The following IGF2BP3 variants were observed in gnomAD, a reference collection of about 807,000 sequenced individuals.
The protein encoded by IGF2BP3 is insulin like growth factor 2 mRNA binding protein 3, also known as insulin-like growth factor 2 mRNA-binding protein 3.
Under a neutral mutation model 73.8 loss-of-function variants are expected in IGF2BP3, and 9 were observed. The ratio of observed to expected loss-of-function variants is 0.12; its 90% CI spans 0.07 to 0.21. The LOEUF (loss-of-function observed/expected upper bound fraction) is 0.21. IGF2BP3 is among the 10% of genes least tolerant of loss of function. IGF2BP3 has a pLI of 1.00. For missense variants in IGF2BP3, 542 were observed against 714.0 expected (o/e 0.76, Z 2.75); for synonymous variants, 258 against 256.7 (o/e 1.01, Z -0.05).
At chr7:23,463,184 C>T (rs1252858654) in intron 2 of IGF2BP3, among the ~76,000 whole-genome samples, 1 of 152,214 alleles carries the variant, frequency 6.6e-6, no homozygotes, top group Non-Finnish European at 1.5e-5. Flanking sequence ...ATAACTCACA[C>T]CTTCCAAAAA....
rs118069477 is a variant in IGF2BP3 at position 23,432,676 on chromosome 7, G to C, written c.237-13852C>G. Reference sequence around the variant, plus strand: ...TTTGGTGGAGAGAGGGTCTTGCTCTGTTGCTCAGACTGGAGTGCAAACGGC... The same window carrying C: ...TTTGGTGGAGAGAGGGTCTTGCTCTCTTGCTCAGACTGGAGTGCAAACGGC... On this transcript the variant is annotated intron_variant, in intron 2 of 14. Transcript: ENST00000258729. Among the ~76,000 whole-genome samples the C allele has an allele frequency of 8.4e-3, 1,230 of 146,428 alleles. 18 individuals carry two copies. Among genetic ancestry groups the C allele is most frequent in the South Asian group, 0.023 (109 of 4,660 alleles).
intron 10 of IGF2BP3, among the ~76,000 whole-genome samples, chr7:23,328,802 G>A (rs1784369169): frequency 2.0e-5 from 3 of 152,164 alleles, no homozygotes; most frequent in Non-Finnish European, 4.4e-5. Context: ...TCAGTACTTC[G>A]TTCTTTCAAG....
intron 2 of IGF2BP3, among the ~76,000 whole-genome samples, chr7:23,429,286 C>T (rs1427803181): frequency 2.0e-5 from 3 of 152,150 alleles, no homozygotes; most frequent in African/African-American, 7.2e-5. Flanking sequence ...AAAAATCTGA[C>T]AAAAGATAGA....
chr7:23,390,852 G>A (rs1292120986), intron 3 of IGF2BP3, among the ~76,000 whole-genome samples: 2 of 149,438 alleles, frequency 1.3e-5, no homozygotes, highest in African/African-American at 4.9e-5. Flanking sequence ...AGGCTGGAGT[G>A]CAGTGGCATG....
At chr7:23,377,379 C>T (rs1369051344) in intron 3 of IGF2BP3, among the ~76,000 whole-genome samples, 1 of 152,146 alleles carries the variant, frequency 6.6e-6, no homozygotes, top group East Asian at 1.9e-4. Context: ...AAACAATGCT[C>T]GACATCATTA....
At chr7:23,361,488 C>T (rs1343894119) in intron 5 of IGF2BP3, 46 bp downstream of exon 5, 1 of 1,498,822 alleles carries the variant, frequency 6.7e-7, no homozygotes, top group South Asian at 1.2e-5. Context: ...TGTTACTGTA[C>T]TTAACTTAGT....
At chr7:23,456,750 T>A (rs1788329026) in intron 2 of IGF2BP3, among the ~76,000 whole-genome samples, 1 of 152,158 alleles carries the variant, frequency 6.6e-6, no homozygotes, top group East Asian at 1.9e-4. Flanking sequence ...TATGTCAACA[T>A]AAGAAATTTA....
At chr7:23,459,659 C>T (rs1788398890) in intron 2 of IGF2BP3, among the ~76,000 whole-genome samples, 1 of 151,556 alleles carries the variant, frequency 6.6e-6, no homozygotes, top group African/African-American at 2.4e-5. Context: ...GGTGAAACCC[C>T]ATCTCTACTA....
chr7:23,428,859 A>G (rs1391348630), intron 2 of IGF2BP3, among the ~76,000 whole-genome samples: 2 of 152,094 alleles, frequency 1.3e-5, no homozygotes, highest in African/African-American at 4.8e-5. Flanking sequence ...AGAGTCATAC[A>G]TATTTTGCTT....
chr7:23,363,078 G>T (rs1050833048), intron 3 of IGF2BP3, among the ~76,000 whole-genome samples: 1 of 152,164 alleles, frequency 6.6e-6, no homozygotes, highest in Non-Finnish European at 1.5e-5. Context: ...TAAAAGGGCG[G>T]TTCCTTGAAA....
intron 3 of IGF2BP3, among the ~76,000 whole-genome samples, chr7:23,393,583 C>T (rs1465244034): frequency 6.6e-6 from 1 of 152,154 alleles, no homozygotes; most frequent in Non-Finnish European, 1.5e-5. Flanking sequence ...CTGGGAGGGA[C>T]AGATGAGTGG....
At chr7:23,383,088 C>T (rs890094306) in intron 3 of IGF2BP3, among the ~76,000 whole-genome samples, 2 of 151,658 alleles carry the variant, frequency 1.3e-5, no homozygotes, top group Non-Finnish European at 2.9e-5. Context: ...ACAAACACAC[C>T]TAAGCAAAGC....
chr7:23,325,526 C>G (rs1583886149), intron 10 of IGF2BP3, among the ~76,000 whole-genome samples: 1 of 152,158 alleles, frequency 6.6e-6, no homozygotes, highest in Admixed American at 6.5e-5. Flanking sequence ...CAATGCCATC[C>G]TCATCAAGCT....
chr7:23,354,701 G>A (rs943576991), intron 5 of IGF2BP3, among the ~76,000 whole-genome samples: 1 of 152,166 alleles, frequency 6.6e-6, no homozygotes, highest in Admixed American at 6.5e-5. Flanking sequence ...TCTTTGTGGG[G>A]AAAAGAAAAG....
At chr7:23,395,073 G>T (rs1213143584) in intron 3 of IGF2BP3, among the ~76,000 whole-genome samples, 2 of 152,180 alleles carry the variant, frequency 1.3e-5, no homozygotes, top group Admixed American at 6.5e-5. Flanking sequence ...GCATCTGGAG[G>T]CACAGCCTGC....
chr7:23,330,052 C>T (rs780338958), intron 10 of IGF2BP3, among the ~76,000 whole-genome samples: 2 of 151,870 alleles, frequency 1.3e-5, no homozygotes, highest in African/African-American at 4.8e-5. Flanking sequence ...TTGGGAAGGC[C>T]GAGGTGGGCA....
chr7:23,439,010 C>G (rs183262617), intron 2 of IGF2BP3, among the ~76,000 whole-genome samples: 10 of 152,160 alleles, frequency 6.6e-5, no homozygotes, highest in Admixed American at 6.5e-4. Context: ...TTTTGGGAGG[C>G]TGAAGTAGAA....
chr7:23,312,710 A>G (rs778441202), intron 14 of IGF2BP3, 25 bp downstream of exon 14: 15 of 1,479,452 alleles, frequency 1.0e-5, no homozygotes, highest in African/African-American at 1.4e-5. Flanking sequence ...GAAAGATACA[A>G]TAGCTTATTT....
intron 9 of IGF2BP3, among the ~76,000 whole-genome samples, chr7:23,342,582 CAGCTATTA>C (rs1436916523): frequency 6.6e-6 from 1 of 152,064 alleles, no homozygotes; most frequent in Non-Finnish European, 1.5e-5. Flanking sequence ...AAAAGCAAAC[CAGCTATTA>C]AGAGATCTTT....
Sources: gnomAD v4.1 joint callset for allele counts (sites outside exome capture counted in the v4.1 genomes callset) on GRCh38, gnomAD v4.1.1 for gene constraint, MANE v1.5 for transcripts, NCBI Gene and HGNC (gene_info 2026-07-23, HGNC 2026-07-21) for gene names.